The following XKR9 variants were observed in gnomAD, a reference collection of about 807,000 sequenced individuals.
The protein encoded by XKR9 is XK related 9.
A neutral mutation model predicts 32.0 loss-of-function variants in XKR9; 32 were observed. That is an observed-to-expected ratio of 1.00 (90% confidence interval 0.76 to 1.34). XKR9 has a LOEUF of 1.34. Among genes scored for constraint, XKR9 ranks in the 40% most tolerant of loss-of-function variants. The pLI, the probability that XKR9 is intolerant of heterozygous loss-of-function variation, is 0.00. For synonymous variants in XKR9, 168 were observed against 143.4 expected (o/e 1.17, Z -1.22); for missense variants, 546 against 429.7 (o/e 1.27, Z -2.39).
At chr8:71,010,916 AG>A in the XKR9 span, among the ~76,000 whole-genome samples, 1 of 152,316 alleles carries the variant, frequency 6.6e-6, no homozygotes, top group African/African-American at 2.4e-5. Flanking sequence ...GGGCGATTCC[AG>A]GGGACTGCTG....
chr8:71,060,506 G>A, the XKR9 span, among the ~76,000 whole-genome samples: 4 of 152,144 alleles, frequency 2.6e-5, no homozygotes, highest in Non-Finnish European at 4.4e-5. Flanking sequence ...GCTATTGGCT[G>A]GGTACCCCTC....
the XKR9 span, among the ~76,000 whole-genome samples, chr8:70,886,675 C>T: frequency 2.0e-5 from 3 of 151,850 alleles, no homozygotes; most frequent in African/African-American, 7.3e-5. Flanking sequence ...TGTTTATTGG[C>T]CACATAAATG....
chr8:70,719,329 T>C (rs1269911157), intron 4 of XKR9, among the ~76,000 whole-genome samples: 2 of 152,312 alleles, frequency 1.3e-5, no homozygotes, highest in African/African-American at 2.4e-5. Flanking sequence ...TTTGTCAATT[T>C]TGGCTTTTGT....
the XKR9 span, among the ~76,000 whole-genome samples, chr8:71,053,720 C>G: frequency 6.6e-6 from 1 of 152,208 alleles, no homozygotes; most frequent in Non-Finnish European, 1.5e-5. Flanking sequence ...AAGATGGCCA[C>G]AAATTCACAG....
At position 70,681,575 on chromosome 8, in the gene XKR9, T is replaced by G. The variant is rs186379875; in HGVS notation, c.272+245T>G. On this transcript the variant is annotated intron_variant, in intron 3 of 4. Transcript: ENST00000408926. ...TTTTCTGATATGAACTCAGTTTTCA[T>G]GAGAAGGAAAAAGACATTTCTATGT... Among the ~76,000 whole-genome samples, 7 of 152,268 alleles carry G rather than the reference T, an allele frequency of 4.6e-5. No homozygotes were observed. In the East Asian group the frequency reaches 1.3e-3, roughly 29 times the overall value.
At chr8:70,839,811 C>T in the XKR9 span, among the ~76,000 whole-genome samples, 11 of 152,228 alleles carry the variant, frequency 7.2e-5, no homozygotes, top group Non-Finnish European at 1.3e-4. Context: ...GAGAAGAAAG[C>T]GACCAGCAGG....
chr8:70,714,685 T>C (rs1806031953), intron 4 of XKR9, among the ~76,000 whole-genome samples: 1 of 151,940 alleles, frequency 6.6e-6, no homozygotes, highest in Non-Finnish European at 1.5e-5. Flanking sequence ...TATTTGAAGA[T>C]TTTTTTTAGG....
the XKR9 span, among the ~76,000 whole-genome samples, chr8:71,050,286 G>T: frequency 5.7e-3 from 720 of 126,666 alleles, 6 homozygotes; most frequent in African/African-American, 0.022. Context: ...TATAGATATA[G>T]ATATAGATAT....
chr8:70,847,340 A>G, the XKR9 span, among the ~76,000 whole-genome samples: 1 of 152,040 alleles, frequency 6.6e-6, no homozygotes, highest in South Asian at 2.1e-4. Flanking sequence ...ATACAGCAAA[A>G]GCAGTTCTAT....
At chr8:70,742,890 T>C (rs1807008100) in intron 2 of XKR9, among the ~76,000 whole-genome samples, 1 of 152,256 alleles carries the variant, frequency 6.6e-6, no homozygotes, top group South Asian at 2.1e-4. Context: ...ATAGTATTTT[T>C]TTTCTAGTTT....
chr8:70,940,139 C>T, the XKR9 span, among the ~76,000 whole-genome samples: 31 of 152,036 alleles, frequency 2.0e-4, no homozygotes, highest in African/African-American at 7.0e-4. Context: ...ACAACAGTTT[C>T]GGGAGTAGTA....
At chr8:70,854,706 G>A in the XKR9 span, among the ~76,000 whole-genome samples, 7 of 152,146 alleles carry the variant, frequency 4.6e-5, no homozygotes, top group Admixed American at 4.6e-4. Flanking sequence ...TGTATGAGGT[G>A]TAAGGAAAGG....
downstream of XKR9, among the ~76,000 whole-genome samples, chr8:70,792,498 A>G (rs1807776973): frequency 6.6e-6 from 1 of 152,140 alleles, no homozygotes; most frequent in Non-Finnish European, 1.5e-5. Context: ...CAGATGATGA[A>G]TAAATGAGGA....
chr8:71,011,862 A>G, the XKR9 span, among the ~76,000 whole-genome samples: 2 of 152,184 alleles, frequency 1.3e-5, no homozygotes, highest in Non-Finnish European at 1.5e-5. Flanking sequence ...TCTTTTACAC[A>G]TTTCGCAGCT....
At chr8:70,879,491 A>G in the XKR9 span, among the ~76,000 whole-genome samples, 3 of 152,230 alleles carry the variant, frequency 2.0e-5, no homozygotes, top group Non-Finnish European at 4.4e-5. Flanking sequence ...CACTGATCCC[A>G]CAGAAATACA....
chr8:70,905,032 T>G, the XKR9 span, among the ~76,000 whole-genome samples: 2 of 152,200 alleles, frequency 1.3e-5, no homozygotes, highest in African/African-American at 2.4e-5. Context: ...AATTCGACCT[T>G]TCTCTCTGGC....
At chr8:70,966,134 C>A in the XKR9 span, among the ~76,000 whole-genome samples, 1 of 152,118 alleles carries the variant, frequency 6.6e-6, no homozygotes, top group African/African-American at 2.4e-5. Context: ...TCATTAGTTT[C>A]AAAGAACTTC....
At chr8:70,977,937 T>C in the XKR9 span, among the ~76,000 whole-genome samples, 1 of 152,246 alleles carries the variant, frequency 6.6e-6, no homozygotes, top group East Asian at 1.9e-4. Context: ...GGTGCATGTA[T>C]ATTTAGGGTA....
chr8:70,703,236 T>G (rs560989671), intron 3 of XKR9, among the ~76,000 whole-genome samples: 2 of 152,128 alleles, frequency 1.3e-5, no homozygotes, highest in East Asian at 3.9e-4. Context: ...TTTTGTTCAT[T>G]TTTTTTTCTC....
Sources: gnomAD v4.1 joint callset for allele counts (sites outside exome capture counted in the v4.1 genomes callset) on GRCh38, gnomAD v4.1.1 for gene constraint, MANE v1.5 for transcripts, NCBI Gene and HGNC (gene_info 2026-07-23, HGNC 2026-07-21) for gene names.